COMMD1: variants seen among roughly 807,000 people sequenced by gnomAD.
The protein encoded by COMMD1 is COMM domain-containing protein 1.
In COMMD1, 10 loss-of-function variants were observed where a neutral mutation model predicts 17.2. That is an observed-to-expected ratio of 0.58 (90% CI 0.36 to 0.99). COMMD1 has a LOEUF of 0.99. COMMD1 is among the 50% of genes least tolerant of loss of function. The pLI, the probability that COMMD1 is intolerant of heterozygous loss-of-function variation, is 0.01. For synonymous variants in COMMD1, 97 were observed against 91.6 expected (o/e 1.06, Z -0.34); for missense variants, 270 against 231.8 (o/e 1.17, Z -1.07).
intron 2 of COMMD1, among the ~76,000 whole-genome samples, chr2:62,024,943 A>G (rs928769388): frequency 2.6e-5 from 4 of 152,188 alleles, no homozygotes; most frequent in African/African-American, 9.7e-5. Flanking sequence ...CTTAAAAGAA[A>G]AGGCCAGGCG....
At chr2:62,012,201 G>C (rs933539692) in intron 2 of COMMD1, among the ~76,000 whole-genome samples, 1 of 151,720 alleles carries the variant, frequency 6.6e-6, no homozygotes, top group Admixed American at 6.6e-5. Flanking sequence ...AGGTTGCAGT[G>C]AGCCAAGATC....
At chr2:62,117,687 A>T (rs1672643358) in intron 2 of COMMD1, among the ~76,000 whole-genome samples, 1 of 152,198 alleles carries the variant, frequency 6.6e-6, no homozygotes, top group South Asian at 2.1e-4. Context: ...AATGTTAGCC[A>T]TTGTTGGTTA....
intron 2 of COMMD1, among the ~76,000 whole-genome samples, chr2:62,047,472 CTT>C (rs113295193): frequency 1.4e-5 from 2 of 147,160 alleles, no homozygotes; most frequent in African/African-American, 2.5e-5. Context: ...TTCTTCCTTT[CTT>C]TTTTTTTTTG....
At chr2:62,001,207 T>C (rs138057465) in intron 2 of COMMD1, 1 of 534,738 alleles carries the variant, frequency 1.9e-6, no homozygotes, top group African/African-American at 1.9e-5. Flanking sequence ...AAGAACAGAA[T>C]GGGCCAATAA....
At chr2:62,074,883 G>GTTTTTT (rs570489051) in intron 2 of COMMD1, among the ~76,000 whole-genome samples, 4 of 110,534 alleles carry the variant, frequency 3.6e-5, no homozygotes, top group Non-Finnish European at 5.5e-5. Context: ...TGTTTGTGTG[G>GTTTTTT]TTTTTTTTTT....
intron 2 of COMMD1, among the ~76,000 whole-genome samples, chr2:62,010,906 A>C (rs1048749828): frequency 2.0e-5 from 3 of 152,194 alleles, no homozygotes; most frequent in African/African-American, 7.2e-5. Flanking sequence ...TAACTCAGAA[A>C]ATATATTCAT....
At chr2:61,905,572 G>A, upstream of COMMD1, 1 of 1,182,466 alleles carries the variant, frequency 8.5e-7, no homozygotes, top group South Asian at 1.6e-5. Context: ...CTTGCCTCCA[G>A]GTTCCCCGAG....
At chr2:61,995,716 C>T (rs1217545704) in intron 1 of COMMD1, among the ~76,000 whole-genome samples, 1 of 152,182 alleles carries the variant, frequency 6.6e-6, no homozygotes, top group East Asian at 1.9e-4. Context: ...GAGGCTTTGG[C>T]CCTGCACTTA....
intron 2 of COMMD1, among the ~76,000 whole-genome samples, chr2:62,016,060 T>G (rs951680671): frequency 2.8e-4 from 43 of 152,132 alleles, no homozygotes; most frequent in African/African-American, 1.0e-3. Context: ...CTTGAACGCC[T>G]GACCTCAGGC....
chr2:62,130,835 G>A (rs573550726), intron 2 of COMMD1, among the ~76,000 whole-genome samples: 42 of 152,378 alleles, frequency 2.8e-4, no homozygotes, highest in African/African-American at 9.4e-4. Flanking sequence ...GTTATTTAGT[G>A]TGTAGATGGA....
At chr2:61,969,007 G>C in intron 1 of COMMD1, 1 of 443,070 alleles carries the variant, frequency 2.3e-6, no homozygotes, top group Non-Finnish European at 4.5e-6. Flanking sequence ...GAGTGCAATG[G>C]GTATTCATAG....
chr2:61,976,851 C>T (rs1384123640), intron 1 of COMMD1, among the ~76,000 whole-genome samples: 13 of 148,222 alleles, frequency 8.8e-5, no homozygotes, highest in African/African-American at 2.7e-4. Context: ...TTTTTTGAGA[C>T]GGAGTCTCAC....
intron 2 of COMMD1, among the ~76,000 whole-genome samples, chr2:62,014,393 C>G (rs963078262): frequency 5.3e-5 from 8 of 151,894 alleles, no homozygotes; most frequent in South Asian, 2.1e-4. Context: ...TATGTGTGTA[C>G]TGGCTGGTTG....
chr2:62,078,864 G>A (rs1025329569), intron 2 of COMMD1, among the ~76,000 whole-genome samples: 3 of 149,726 alleles, frequency 2.0e-5, no homozygotes, highest in African/African-American at 7.4e-5. Flanking sequence ...GCAACAGAGT[G>A]AGACTCCATC....
chr2:61,961,857 T>C (rs2103696571), intron 1 of COMMD1, among the ~76,000 whole-genome samples: 1 of 152,318 alleles, frequency 6.6e-6, no homozygotes, highest in Admixed American at 6.5e-5. Context: ...TCTTTAATGT[T>C]CCTTTAAACA....
intron 2 of COMMD1, among the ~76,000 whole-genome samples, chr2:62,068,815 A>AT (rs967370228): frequency 4.0e-5 from 6 of 149,884 alleles, no homozygotes; most frequent in Non-Finnish European, 5.9e-5. Context: ...TTTATTTTTT[A>AT]TTTTTTTTAG....
At chr2:62,001,876 C>T (rs1039718076) in intron 2 of COMMD1, among the ~76,000 whole-genome samples, 2 of 152,166 alleles carry the variant, frequency 1.3e-5, no homozygotes, top group African/African-American at 4.8e-5. Context: ...GGGCCTGGCA[C>T]AGTGGCTCAT....
chr2:62,065,666 TTCA>T (rs2103949758), intron 2 of COMMD1, among the ~76,000 whole-genome samples: 1 of 152,324 alleles, frequency 6.6e-6, no homozygotes, highest in South Asian at 2.1e-4. Flanking sequence ...AATTGTTGCT[TTCA>T]TTTCAAATGC....
At chr2:62,021,003 CA>C (rs754379532) in intron 2 of COMMD1, among the ~76,000 whole-genome samples, 135 of 100,952 alleles carry the variant, frequency 1.3e-3, no homozygotes, top group South Asian at 5.4e-3. Flanking sequence ...AAGTCCGTCT[CA>C]AAAAAAAAAA....
Sources: allele counts gnomAD v4.1 joint callset (sites outside exome capture counted in the v4.1 genomes callset), GRCh38; gene constraint gnomAD v4.1.1; transcripts MANE v1.5; gene names NCBI Gene and HGNC (gene_info 2026-07-23, HGNC 2026-07-21).